NBAS: variants seen among roughly 807,000 people sequenced by gnomAD.
NBAS encodes NBAS subunit of NRZ tethering complex.
Under a neutral mutation model 302.5 loss-of-function variants are expected in NBAS, and 219 were observed. That is an observed-to-expected ratio of 0.72 (90% confidence interval 0.65 to 0.81). The LOEUF is 0.81. Among genes scored for constraint, NBAS ranks in the 30% least tolerant of loss-of-function variants. The probability of loss-of-function intolerance (pLI) is 0.00; values close to 1 mark genes in which losing one functional copy is unlikely to be tolerated. For synonymous variants in NBAS, 1,118 were observed against 1,021.6 expected, an observed-to-expected ratio of 1.09 and a Z score of -1.80; for missense variants, 2,932 against 2,841.6, an observed-to-expected ratio of 1.03 and a Z score of -0.72.
intron 47 of NBAS, among the ~76,000 whole-genome samples, chr2:15,220,155 C>A (rs74173243): frequency 7.9e-6 from 1 of 126,464 alleles, no homozygotes; most frequent in African/African-American, 3.2e-5. Flanking sequence ...CCCTCCCGGA[C>A]GGGGCGGCTG....
chr2:15,158,516 A>T, the NBAS span, among the ~76,000 whole-genome samples: 27 of 152,192 alleles, frequency 1.8e-4, no homozygotes, highest in African/African-American at 5.5e-4. Flanking sequence ...TAAGCCTCCC[A>T]TTCCTCCTTT....
At chr2:15,561,110 A>G (rs1277953392) in intron 1 of NBAS, 78 bp downstream of exon 1, 1 of 1,223,510 alleles carries the variant, frequency 8.2e-7, no homozygotes, top group Non-Finnish European at 1.2e-6. Context: ...CCACTCCCCT[A>G]CGTGGCTCCT....
the NBAS span, among the ~76,000 whole-genome samples, chr2:14,845,701 A>G: frequency 2.6e-5 from 4 of 152,236 alleles, no homozygotes; most frequent in African/African-American, 9.6e-5. Context: ...ATAAATTGAA[A>G]AAGGAGATTA....
the NBAS span, among the ~76,000 whole-genome samples, chr2:15,037,991 T>A: frequency 1.3e-5 from 2 of 151,774 alleles, no homozygotes; most frequent in Admixed American, 1.3e-4. Flanking sequence ...TCAAATTGGA[T>A]ACACTTCACA....
At chr2:15,027,140 T>G in the NBAS span, among the ~76,000 whole-genome samples, 117,042 of 151,924 alleles carry the variant, frequency 0.77, 45,362 homozygotes, top group East Asian at 0.99. Flanking sequence ...CCAGAAAATG[T>G]GGGATTCTAT....
chr2:15,340,276 T>C (rs1009501793), intron 35 of NBAS, among the ~76,000 whole-genome samples: 3 of 152,102 alleles, frequency 2.0e-5, no homozygotes, highest in African/African-American at 7.2e-5. Context: ...GATAGTAAAA[T>C]GGAGCCCAAT....
At chr2:14,883,507 A>G in the NBAS span, among the ~76,000 whole-genome samples, 1 of 152,174 alleles carries the variant, frequency 6.6e-6, no homozygotes, top group Admixed American at 6.5e-5. Context: ...AAAATTTAGA[A>G]AAGGGAAGTG....
the NBAS span, among the ~76,000 whole-genome samples, chr2:15,034,278 G>GAGAAAGAAAGAAAGAAAGAA: frequency 7.8e-6 from 1 of 127,390 alleles, no homozygotes; most frequent in African/African-American, 2.9e-5. Context: ...GAAAGAAAGA[G>GAGAAAGAAAGAAAGAAAGAA]AGAAAGAAAG....
rs1333569609 is a variant in NBAS at position 15,394,270 on chromosome 2, C to T, written c.3214G>A (p.Ala1072Thr). 2.5e-6 allele frequency: 4 copies of T among 1,612,614 alleles called. No individual in the cohort carries two copies. In the South Asian group the frequency reaches 3.3e-5, roughly 13 times the overall value. Residue 1072 changes from alanine (A) to threonine (T), a missense_variant, in exon 28 of 52, where the codon GCA (alanine) becomes ACA (threonine). Coordinates refer to ENST00000281513, the MANE Select transcript of NBAS (RefSeq NM_015909.4). The stretch of plus-strand genomic sequence containing the variant: ...GTCAATCTAACCATCAGCTTGCGTG[C>T]CTCTTCTGAGCTAGATTGAGTGTTT... ...VKNTQSSSEE[A>T]RKLMVRLTRH...
At chr2:14,996,398 G>A in the NBAS span, among the ~76,000 whole-genome samples, 2 of 152,130 alleles carry the variant, frequency 1.3e-5, no homozygotes, top group South Asian at 2.1e-4. Context: ...GGCACAGAGC[G>A]AATGAGTGGT....
intron 21 of NBAS, among the ~76,000 whole-genome samples, chr2:15,430,970 G>A (rs1233013336): frequency 2.0e-5 from 3 of 151,714 alleles, no homozygotes; most frequent in South Asian, 2.1e-4. Context: ...CAGTAGGCCC[G>A]GCTAATTTTT....
chr2:15,200,242 C>A (rs1301590142), intron 48 of NBAS, among the ~76,000 whole-genome samples: 1 of 151,978 alleles, frequency 6.6e-6, no homozygotes, highest in East Asian at 1.9e-4. Flanking sequence ...TGTCTATAGA[C>A]TAGACAGGAC....
chr2:15,447,095 AACAAATGAAAAT>A (rs1259286773), intron 21 of NBAS, among the ~76,000 whole-genome samples: 1 of 152,230 alleles, frequency 6.6e-6, no homozygotes, highest in Admixed American at 6.5e-5. Flanking sequence ...GGGACATGTG[AACAAATGAAAAT>A]ACCAATGGGA....
At chr2:14,790,864 GT>G in the NBAS span, among the ~76,000 whole-genome samples, 1 of 149,790 alleles carries the variant, frequency 6.7e-6, no homozygotes, top group African/African-American at 2.5e-5. Flanking sequence ...TTTTTGTTTG[GT>G]TTTTTTGGAG....
chr2:15,246,854 A>C (rs1381998252), intron 44 of NBAS, among the ~76,000 whole-genome samples: 1 of 152,208 alleles, frequency 6.6e-6, no homozygotes, highest in Non-Finnish European at 1.5e-5. Context: ...GGTATGTCAA[A>C]GTCTAGTTGT....
At chr2:14,954,473 C>T in the NBAS span, among the ~76,000 whole-genome samples, 1 of 152,164 alleles carries the variant, frequency 6.6e-6, no homozygotes, top group Admixed American at 6.5e-5. Context: ...GTTTCTTTCT[C>T]TGGAAGCATC....
chr2:15,240,243 G>A (rs1018634267), intron 44 of NBAS, among the ~76,000 whole-genome samples: 1 of 151,912 alleles, frequency 6.6e-6, no homozygotes, highest in African/African-American at 2.4e-5. Flanking sequence ...TGGCATGAGT[G>A]ACCACACCAG....
intron 15 of NBAS, 54 bp from the exon 16 acceptor site, chr2:15,473,401 G>T: frequency 6.2e-7 from 1 of 1,600,334 alleles, no homozygotes; most frequent in Non-Finnish European, 8.5e-7. Flanking sequence ...TATCCACAGG[G>T]TCCTGATGAT....
chr2:15,015,317 A>AAACGCGCGCACACACACACACACAC, the NBAS span, among the ~76,000 whole-genome samples: 32 of 151,892 alleles, frequency 2.1e-4, no homozygotes, highest in African/African-American at 7.5e-4. Flanking sequence ...ACAAAAAAAG[A>AAACGCGCGCACACACACACACACAC]ACACACACAC....
Sources: gnomAD v4.1 joint callset for allele counts (sites outside exome capture counted in the v4.1 genomes callset) on GRCh38, gnomAD v4.1.1 for gene constraint, MANE v1.5 for transcripts, NCBI Gene and HGNC (gene_info 2026-07-23, HGNC 2026-07-21) for gene names.